PHF14: variants seen among roughly 807,000 people sequenced by gnomAD.
PHF14 encodes the protein PHD finger protein 14.
A neutral mutation model predicts 117.9 loss-of-function variants in PHF14; 55 were observed. That is an observed-to-expected ratio of 0.47 (90% confidence interval 0.38 to 0.58). The LOEUF is 0.58. PHF14 is among the 20% of genes least tolerant of loss of function. The pLI, the probability that PHF14 is intolerant of heterozygous loss-of-function variation, is 0.00. For synonymous variants in PHF14, 409 were observed against 368.6 expected (o/e 1.11, Z -1.26); for missense variants, 978 against 1,122.2 (o/e 0.87, Z 1.84).
chr7:11,055,185 A>G (rs1278153286), intron 14 of PHF14, among the ~76,000 whole-genome samples: 2 of 152,176 alleles, frequency 1.3e-5, no homozygotes, highest in Non-Finnish European at 2.9e-5. Context: ...ACTTACTTTT[A>G]GGCAAGGAAA....
At chr7:11,086,777 GTCA>G (rs990259679) in intron 16 of PHF14, among the ~76,000 whole-genome samples, 2 of 152,024 alleles carry the variant, frequency 1.3e-5, no homozygotes, top group Non-Finnish European at 2.9e-5. Context: ...GGTAGTTTTT[GTCA>G]TCATTTGAAT....
chr7:11,054,428 C>G (rs1784947837), intron 14 of PHF14, among the ~76,000 whole-genome samples: 1 of 152,010 alleles, frequency 6.6e-6, no homozygotes, highest in Non-Finnish European at 1.5e-5. Context: ...TTCAGAAAAC[C>G]AGACAATTGG....
chr7:11,066,766 TC>T (rs1284688056), intron 16 of PHF14, among the ~76,000 whole-genome samples: 1 of 152,232 alleles, frequency 6.6e-6, no homozygotes, highest in Non-Finnish European at 1.5e-5. Context: ...TCTATTATAT[TC>T]CATTGAGTTA....
intron 16 of PHF14, among the ~76,000 whole-genome samples, chr7:11,066,578 T>C (rs1401234834): frequency 6.6e-6 from 1 of 152,358 alleles, no homozygotes; most frequent in Middle Eastern, 3.4e-3. Flanking sequence ...ATATGAGCTA[T>C]CTGAAATTAA....
chr7:10,997,726 C>G (rs771445644), intron 4 of PHF14, among the ~76,000 whole-genome samples: 3 of 152,138 alleles, frequency 2.0e-5, no homozygotes, highest in African/African-American at 4.8e-5. Context: ...ACCTCAGTTT[C>G]CTACTGCATG....
At chr7:11,166,341 C>T (rs1583518270) in intron 17 of PHF14, among the ~76,000 whole-genome samples, 2 of 150,716 alleles carry the variant, frequency 1.3e-5, no homozygotes, top group East Asian at 3.9e-4. Context: ...AAAAAAAAAA[C>T]CCTCCTGTAT....
intron 16 of PHF14, among the ~76,000 whole-genome samples, chr7:11,090,502 A>G (rs750653377): frequency 2.6e-5 from 4 of 152,220 alleles, no homozygotes; most frequent in Admixed American, 1.3e-4. Context: ...TTGCCTGATT[A>G]TATCAAGGAC....
intron 7 of PHF14, among the ~76,000 whole-genome samples, chr7:11,029,068 T>C (rs970300756): frequency 2.6e-5 from 4 of 152,168 alleles, no homozygotes; most frequent in African/African-American, 9.7e-5. Context: ...ATCCAAGTTG[T>C]CTTAAAGCAT....
intron 17 of PHF14, among the ~76,000 whole-genome samples, chr7:11,166,689 C>T (rs1012805421): frequency 3.3e-5 from 5 of 152,040 alleles, no homozygotes; most frequent in Non-Finnish European, 7.4e-5. Flanking sequence ...GAGTGGAATG[C>T]CTTTTTCACC....
chr7:10,988,739 G>C (rs1782336234), intron 3 of PHF14, among the ~76,000 whole-genome samples: 2 of 152,042 alleles, frequency 1.3e-5, no homozygotes, highest in Non-Finnish European at 2.9e-5. Flanking sequence ...ACAGCGGAAA[G>C]GAAAAGGCAT....
intron 16 of PHF14, chr7:11,071,147 C>T (rs942813164): frequency 5.4e-6 from 2 of 367,138 alleles, no homozygotes; most frequent in Admixed American, 5.4e-5. Context: ...TAATTTTAAG[C>T]AAGTCACTTA....
intron 4 of PHF14, among the ~76,000 whole-genome samples, chr7:10,993,493 T>C (rs1782531187): frequency 6.6e-6 from 1 of 152,236 alleles, no homozygotes; most frequent in African/African-American, 2.4e-5. Flanking sequence ...GTTGAGTACC[T>C]TCTATGTGCT....
chr7:11,033,349 T>G (rs1366952909), intron 7 of PHF14, among the ~76,000 whole-genome samples: 1 of 152,158 alleles, frequency 6.6e-6, no homozygotes, highest in Admixed American at 6.5e-5. Flanking sequence ...CACCTTCCTT[T>G]AGTCTATTGC....
chr7:11,043,616 C>T (rs1250529339), intron 13 of PHF14, among the ~76,000 whole-genome samples: 4 of 151,982 alleles, frequency 2.6e-5, no homozygotes, highest in Non-Finnish European at 5.9e-5. Context: ...TTAAGGCTAC[C>T]TCTGTTCATT....
At chr7:11,057,867 T>A (rs1171685033) in intron 14 of PHF14, among the ~76,000 whole-genome samples, 2 of 124,904 alleles carry the variant, frequency 1.6e-5, no homozygotes, top group Non-Finnish European at 3.2e-5. Context: ...CCTAGCTAAA[T>A]CAAGTTCTTA....
At position 10,990,690 on chromosome 7, in the gene PHF14, A is replaced by T. The variant is rs1782419299; in HGVS notation, c.901-13A>T. The T allele has an allele frequency of 6.8e-7, 1 of 1,464,186 alleles. No homozygotes were observed. The highest frequency in any genetic ancestry group is 2.5e-5 in the East Asian group (1 of 40,316). 90.7% of individuals were successfully genotyped at this position (1,464,186 alleles called of 1,614,324 possible). On this transcript the variant is annotated splice_polypyrimidine_tract_variant and intron_variant, in intron 3 of 17. Coordinates refer to ENST00000634607, the MANE Select transcript of PHF14 (RefSeq NM_001007157.2). Reference sequence around the variant, plus strand: ...ATGTGATTTTCTGATATATGTTAATATTTTAATATTAGGACTCGCTGATTC... The same window carrying T: ...ATGTGATTTTCTGATATATGTTAATTTTTTAATATTAGGACTCGCTGATTC...
chr7:10,978,084 T>C (rs1781928838), intron 2 of PHF14, among the ~76,000 whole-genome samples: 1 of 152,134 alleles, frequency 6.6e-6, no homozygotes, highest in Non-Finnish European at 1.5e-5. Flanking sequence ...AAAGTTAGTT[T>C]AGTTAGGCCA....
Position 11,051,695 on chromosome 7 carries a change from G to A in PHF14, c.2396G>A (p.Arg799Gln), listed in dbSNP as rs751491414. The A allele has an allele frequency of 6.2e-7, 1 of 1,613,566 alleles. No individual in the cohort carries two copies. Among genetic ancestry groups the A allele is most frequent in the Admixed American group, 1.7e-5 (1 of 59,988 alleles). Residue 799 changes from arginine to glutamine, a missense_variant, in exon 14 of 18, where the codon CGA becomes CAA. Around this residue, in one of 7 missense-constraint regions of PHF14, gnomAD observed 180 missense variants for 195.4 expected, o/e 0.92. Coordinates refer to ENST00000634607, the MANE Select transcript of PHF14 (RefSeq NM_001007157.2). ...AMETLPDGTKRSRRQIKEPVK... is the reference protein window; with the variant it reads ...AMETLPDGTKQSRRQIKEPVK... ...GAAACCCTACCAGATGGAACCAAACGATCAAGGAGGCAGATTAAGGAACCA... is the reference window on the plus strand; with the variant it reads ...GAAACCCTACCAGATGGAACCAAACAATCAAGGAGGCAGATTAAGGAACCA...
At chr7:11,141,007 T>C (rs1788383039) in intron 17 of PHF14, among the ~76,000 whole-genome samples, 1 of 152,090 alleles carries the variant, frequency 6.6e-6, no homozygotes, top group African/African-American at 2.4e-5. Context: ...TAAAATATGT[T>C]CTGAGGAACA....
Sources: gnomAD v4.1 joint callset for allele counts (sites outside exome capture counted in the v4.1 genomes callset) on GRCh38, gnomAD v4.1.1 for gene constraint, gnomAD v4.1.1 regional missense constraint, MANE v1.5 for transcripts, NCBI Gene and HGNC (gene_info 2026-07-23, HGNC 2026-07-21) for gene names.